COL1A1: variants seen among roughly 807,000 people sequenced by gnomAD.
The protein encoded by COL1A1 is collagen type I alpha 1 chain, also known as collagen alpha-1(I) chain.
In COL1A1, 21 loss-of-function variants were observed where a neutral mutation model predicts 195.7. The ratio of observed to expected loss-of-function variants is 0.11; its 90% CI spans 0.08 to 0.15. COL1A1 has a LOEUF of 0.15. Among genes scored for constraint, COL1A1 ranks in the 10% least tolerant of loss-of-function variants. The pLI, the probability that COL1A1 is intolerant of heterozygous loss-of-function variation, is 1.00. For synonymous variants in COL1A1, 749 were observed against 747.3 expected (o/e 1.00, Z -0.04); for missense variants, 1,365 against 2,051.0 (o/e 0.67, Z 6.46).
rs1330103740 is a variant in COL1A1 at position 50,194,987 on chromosome 17, C to A, written c.1353+60G>T. 6.4e-7 allele frequency: 1 copy of A among 1,572,250 alleles called. No individual in the cohort carries two copies. Among genetic ancestry groups the A allele is most frequent in the East Asian group, 2.2e-5 (1 of 44,700 alleles). ...GGCTCCTCTTCCTTTCTGGATTTCC[C>A]TCAGGGGGCTCCTAGGGCAGGGTGG... On this transcript the variant is annotated intron_variant, in intron 20 of 50. Coordinates refer to ENST00000225964, the MANE Select transcript of COL1A1 (RefSeq NM_000088.4). The surrounding 1 kb of genome is among the most constrained non-coding windows in gnomAD (Gnocchi z 6.8).
rs1240449421 is a variant in COL1A1 at position 50,187,141 on chromosome 17, T to C, written c.3424-19A>G. 1.3e-6 allele frequency: 2 copies of C among 1,576,836 alleles called. No homozygotes were observed. Among genetic ancestry groups the C allele is most frequent in the Non-Finnish European group, 1.7e-6 (2 of 1,156,660 alleles). ...GGGGACCCTGGAGTGGGGGAAATGG[T>C]TTGAGAAAGGCTGCCAGAAGCCCGA... On this transcript the variant is annotated intron_variant, in intron 46 of 50. Transcript: ENST00000225964.
Position 50,196,219 on chromosome 17 carries a change from C to A in COL1A1, c.958-20G>T. ...AGCACCCTGCAGGAGAGAGGGGAAG[C>A]CCCGTTAAGTCCACTGAGCACTGGC... On this transcript the variant is annotated intron_variant, in intron 14 of 50. Coordinates refer to ENST00000225964, the MANE Select transcript of COL1A1 (RefSeq NM_000088.4). 6.2e-7 allele frequency: 1 copy of A among 1,613,922 alleles called. No homozygotes were observed.
In COL1A1 at chr17:50,194,360, GC is replaced by G; in HGVS notation, c.1602del (p.Pro535LeufsTer6). 6.2e-7 allele frequency: 1 copy of G among 1,614,154 alleles called. No individual in the cohort carries two copies. Among genetic ancestry groups the G allele is most frequent in the Non-Finnish European group, 8.5e-7 (1 of 1,180,026 alleles). On this transcript the variant is annotated frameshift_variant, in exon 23 of 51. Transcript: ENST00000225964. LOFTEE classifies it high-confidence loss of function. The surrounding 1 kb of genome is among the most constrained non-coding windows in gnomAD (Gnocchi z 6.8). ...GEAGRPGEAG[L>X]PGAKGLTGSP... ...GCCTGGGGCCTCACCTTGGCACCAGGCAGACCAGCTTCACCGGGACGACCAG... is the reference window on the plus strand; with the variant it reads ...GCCTGGGGCCTCACCTTGGCACCAGGAGACCAGCTTCACCGGGACGACCAG...
chr17:50,197,803 G>A lies in COL1A1; in HGVS notation c.643-18C>T, dbSNP rs949281341. The stretch of plus-strand genomic sequence containing the variant: ...ATGGGACCCTAGAAAAGATAGAAGA[G>A]GTGGTTAGAATATGGATAAGAAAAA... On this transcript the variant is annotated intron_variant, in intron 8 of 50. Coordinates refer to ENST00000225964, the MANE Select transcript of COL1A1 (RefSeq NM_000088.4). The A allele has an allele frequency of 6.2e-7, 1 of 1,608,968 alleles. No homozygotes were observed. Among genetic ancestry groups the A allele is most frequent in the Non-Finnish European group, 8.5e-7 (1 of 1,178,318 alleles).
At position 50,188,862 on chromosome 17, in the gene COL1A1, C is replaced by T. The variant is rs199771196; in HGVS notation, c.3045+41G>A. On this transcript the variant is annotated intron_variant, in intron 41 of 50. Transcript: ENST00000225964. This position sits in a 1 kb window ranked among gnomAD's most constrained non-coding sequence, Gnocchi z 5.6. ...GAGGGCTTAGGCAAGGCCACAATGGCCATGCTGAGGGTACTGGCATGGGGG... is the reference window on the plus strand; with the variant it reads ...GAGGGCTTAGGCAAGGCCACAATGGTCATGCTGAGGGTACTGGCATGGGGG... 3.9e-5 allele frequency: 62 copies of T among 1,588,110 alleles called. No homozygotes were observed. Among genetic ancestry groups the T allele is most frequent in the East Asian group, 4.5e-5 (2 of 44,714 alleles).
At chr17:50,198,127 C>T (rs1907758273) in intron 7 of COL1A1, 34 bp downstream of exon 7, 3 of 1,613,564 alleles carry the variant, frequency 1.9e-6, no homozygotes, top group Admixed American at 3.3e-5. Context: ...GACCAAAGCC[C>T]AAGGAGGCAT....
chr17:50,192,966 G>C (rs1425514782), intron 26 of COL1A1, 28 bp downstream of exon 26: 8 of 1,613,630 alleles, frequency 5.0e-6, no homozygotes, highest in Non-Finnish European at 5.9e-6. Context: ...CAATGGGAAG[G>C]AGGTAGGGAT....
At position 50,197,805 on chromosome 17, in the gene COL1A1, T is replaced by G; in HGVS notation, c.643-20A>C. On this transcript the variant is annotated intron_variant, in intron 8 of 50. Coordinates refer to ENST00000225964, the MANE Select transcript of COL1A1 (RefSeq NM_000088.4). ...GGGACCCTAGAAAAGATAGAAGAGGTGGTTAGAATATGGATAAGAAAAAAA... is the reference window on the plus strand; with the variant it reads ...GGGACCCTAGAAAAGATAGAAGAGGGGGTTAGAATATGGATAAGAAAAAAA... 1 of 1,604,048 alleles carries G rather than the reference T, an allele frequency of 6.2e-7. No individual in the cohort carries two copies. Among genetic ancestry groups the G allele is most frequent in the Non-Finnish European group, 8.5e-7 (1 of 1,176,360 alleles).
rs1906345433 is a variant in COL1A1 at position 50,184,943 on chromosome 17, T to C, written c.*559A>G. On this transcript the variant is annotated 3_prime_UTR_variant, in exon 51 of 51. Coordinates refer to ENST00000225964, the MANE Select transcript of COL1A1 (RefSeq NM_000088.4). ...GGAGCGCCAGATGGCAAGGCTTCTT[T>C]GGCAGTCTGAGAACCCCAGGTCCCC... The C allele has an allele frequency of 4.4e-6, 1 of 229,218 alleles. No individual in the cohort carries two copies. The highest frequency in any genetic ancestry group is 1.8e-4 in the South Asian group (1 of 5,530). 14.2% of individuals were successfully genotyped at this position (229,218 alleles called of 1,614,324 possible).
chr17:50,187,497 G>A lies in COL1A1; in HGVS notation c.3410C>T (p.Pro1137Leu). 1 of 1,614,102 alleles carries A rather than the reference G, an allele frequency of 6.2e-7. No individual in the cohort carries two copies. Among genetic ancestry groups the A allele is most frequent in the Non-Finnish European group, 8.5e-7 (1 of 1,180,012 alleles). ...GEQGPSGASG[P>L]AGPRGPPGSA... is the part of the protein sequence containing the mutation. ...GGCATGACTTACTCGGGGACCAGCA[G>A]GACCAGAGGCTCCAGAGGGACCTTG... Residue 1137 changes from proline (P) to leucine (L), a missense_variant, in exon 46 of 51, where the codon CCT becomes CTT. Around this residue, in one of 5 missense-constraint regions of COL1A1, gnomAD observed 671 missense variants for 1,099.9 expected, o/e 0.61. Transcript: ENST00000225964.
Position 50,195,485 on chromosome 17 carries a change from C to T in COL1A1, c.1156-7G>A, listed in dbSNP as rs1383319883. The T allele has an allele frequency of 1.2e-6, 2 of 1,614,034 alleles. No homozygotes were observed. Among genetic ancestry groups the T allele is most frequent in the Admixed American group, 1.7e-5 (1 of 60,022 alleles). On this transcript the variant is annotated splice_polypyrimidine_tract_variant and splice_region_variant and intron_variant, in intron 17 of 50. Transcript: ENST00000225964. The surrounding 1 kb of genome is among the most constrained non-coding windows in gnomAD (Gnocchi z 4.3). Reference sequence around the variant, plus strand: ...CATCAGCACCAGGGTTTCCCTGTGGCACAGAGAAAGGAGTGTCAGCAACAG... The same window carrying T: ...CATCAGCACCAGGGTTTCCCTGTGGTACAGAGAAAGGAGTGTCAGCAACAG...
chr17:50,185,359 GA>G lies in COL1A1; in HGVS notation c.*142del, dbSNP rs572791972. The G allele has an allele frequency of 1.3e-3, 1,204 of 928,366 alleles. 13 individuals carry two copies. In the African/African-American group the frequency reaches 0.019, roughly 15 times the overall value. The allele number at this position is 928,366 out of a possible 1,614,324, so 57.5% of individuals were successfully genotyped here. ...CTAAGTTTGAGAGATGAATGCAAAG[GA>G]AAAAAATATTTTCCAAAGTCCATGT... On this transcript the variant is annotated 3_prime_UTR_variant, in exon 51 of 51. Transcript: ENST00000225964.
chr17:50,189,611 C>T lies in COL1A1; in HGVS notation c.2667+68G>A, dbSNP rs1906886139. 1 of 1,612,246 alleles carries T rather than the reference C, an allele frequency of 6.2e-7. No individual in the cohort carries two copies. The highest frequency in any genetic ancestry group is 1.7e-5 in the Admixed American group (1 of 59,766). On this transcript the variant is annotated intron_variant, in intron 38 of 50. Coordinates refer to ENST00000225964, the MANE Select transcript of COL1A1 (RefSeq NM_000088.4). The surrounding 1 kb of genome is among the most constrained non-coding windows in gnomAD (Gnocchi z 5.5). The stretch of plus-strand genomic sequence containing the variant: ...ATCATTGGGTCCTCAGTCAGCCCCA[C>T]CATCCTTCTGGCAGCCCCCACCCAG...
intron 9 of COL1A1, 109 bp from the exon 10 acceptor site, chr17:50,197,342 G>A (rs1471635964): frequency 7.3e-6 from 8 of 1,101,186 alleles, no homozygotes; most frequent in Non-Finnish European, 1.1e-5. Flanking sequence ...GGTCAGGTTT[G>A]GGGGCCCAGA....
rs1279465588 is a variant in COL1A1 at position 50,185,813 on chromosome 17, G to A, written c.4213C>T (p.Arg1405Cys). The change falls in exon 50 of 51, where the codon CGC becomes TGC. Residue 1405 changes from arginine (R) to cysteine (C), a missense_variant. Around this residue, in one of 5 missense-constraint regions of COL1A1, gnomAD observed 273 missense variants for 338.6 expected, o/e 0.81. Transcript: ENST00000225964. ...EIEIRAEGNS[R>C]FTYSVTVDGC... ...TCGACAGTGACGCTGTAGGTGAAGC[G>A]GCTGTTGCCCTCGGCGCGGATCTCG... is the stretch of plus-strand genomic sequence containing the variant. The A allele has an allele frequency of 1.9e-6, 3 of 1,613,956 alleles. No homozygotes were observed. Among genetic ancestry groups the A allele is most frequent in the East Asian group, 2.2e-5 (1 of 44,886 alleles).
chr17:50,188,871 G>A lies in COL1A1; in HGVS notation c.3045+32C>T, dbSNP rs754709119. On this transcript the variant is annotated intron_variant, in intron 41 of 50. Transcript: ENST00000225964. This position sits in a 1 kb window ranked among gnomAD's most constrained non-coding sequence, Gnocchi z 5.6. ...GGCAAGGCCACAATGGCCATGCTGA[G>A]GGTACTGGCATGGGGGCTGGGGACT... The A allele has an allele frequency of 1.4e-5, 22 of 1,564,514 alleles. No individual in the cohort carries two copies. The South Asian group carries it at 2.2e-4, about 16-fold the overall frequency.
rs750102052 is a variant in COL1A1 at position 50,191,963 on chromosome 17, G to C, written c.2028+17C>G. 1.9e-6 allele frequency: 3 copies of C among 1,612,252 alleles called. No individual in the cohort carries two copies. The highest frequency in any genetic ancestry group is 4.5e-5 in the East Asian group (2 of 44,838). ...TACGACGCACCTTGACGGATGCAGC[G>C]AGAGAGGCCTACTTACTCTTGCTCC... On this transcript the variant is annotated intron_variant, in intron 30 of 50. Coordinates refer to ENST00000225964, the MANE Select transcript of COL1A1 (RefSeq NM_000088.4).
In COL1A1 at chr17:50,190,021, C is replaced by A. The variant is rs369455732; in HGVS notation, c.2539G>T (p.Ala847Ser). The part of the protein sequence containing the change: ...DAGPPGPAGP[A>S]GPPGPIGNVG... ...CTCACAATGGGGCCAGGGGGTCCAG[C>A]GGGTCCGGCAGGGCCAGGGGGACCA... is the stretch of plus-strand genomic sequence containing the variant. The change falls in exon 36 of 51, where the codon GCT (alanine) becomes TCT (serine). Residue 847 changes from alanine (A) to serine (S), a missense_variant. By Grantham distance (99) the Ala-to-Ser change is moderately conservative. Coordinates refer to ENST00000225964, the MANE Select transcript of COL1A1 (RefSeq NM_000088.4). This position sits in a 1 kb window ranked among gnomAD's most constrained non-coding sequence, Gnocchi z 4.7. 3 of 1,613,064 alleles carry A rather than the reference C, an allele frequency of 1.9e-6. No homozygotes were observed. Among genetic ancestry groups the A allele is most frequent in the Non-Finnish European group, 2.5e-6 (3 of 1,179,664 alleles).
chr17:50,195,833 C>T lies in COL1A1; in HGVS notation c.1056+90G>A. ...TGTTAGTGAACGGGCTGCTCTCTTG[C>T]CACTCTGGGTCCCTTTGGTTTGGGG... is the stretch of plus-strand genomic sequence containing the variant. On this transcript the variant is annotated intron_variant, in intron 16 of 50. Transcript: ENST00000225964. The surrounding 1 kb of genome is among the most constrained non-coding windows in gnomAD (Gnocchi z 4.3). The T allele has an allele frequency of 2.0e-6, 3 of 1,486,250 alleles. No individual in the cohort carries two copies. The highest frequency in any genetic ancestry group is 2.8e-6 in the Non-Finnish European group (3 of 1,087,770). The allele number at this position is 1,486,250 out of a possible 1,614,324, so 92.1% of individuals were successfully genotyped here.
Sources: allele counts gnomAD v4.1 joint callset, GRCh38; gene constraint gnomAD v4.1.1; regional missense constraint gnomAD v4.1.1; non-coding constraint Gnocchi (gnomAD v3.1); transcripts MANE v1.5; gene names NCBI Gene and HGNC (gene_info 2026-07-23, HGNC 2026-07-21).